GNB4: variants seen among roughly 807,000 people sequenced by gnomAD.
GNB4 encodes the protein G protein subunit beta 4.
GNB4 carries 28 observed loss-of-function variants against 45.2 expected under a neutral mutation model. That is an observed-to-expected ratio of 0.62 (90% CI 0.46 to 0.85). The LOEUF is 0.85. GNB4 is among the 40% of genes least tolerant of loss of function. The probability of loss-of-function intolerance (pLI) is 0.00; values close to 1 mark genes in which losing one functional copy is unlikely to be tolerated. For missense variants in GNB4, 321 were observed against 425.4 expected (o/e 0.75, Z 2.16); for synonymous variants, 132 against 143.7 (o/e 0.92, Z 0.58).
chr3:179,494,581 G>A, the GNB4 span, among the ~76,000 whole-genome samples: 3 of 149,482 alleles, frequency 2.0e-5, no homozygotes, highest in Non-Finnish European at 3.0e-5. Context: ...GAGGGAGGGA[G>A]CGAGGGAAGG....
At position 179,415,067 on chromosome 3, in the gene GNB4, C is replaced by G. The variant is rs1363463150; in HGVS notation, c.268-20G>C. 2 of 1,524,346 alleles carry G rather than the reference C, an allele frequency of 1.3e-6. No homozygotes were observed. Among genetic ancestry groups the G allele is most frequent in the East Asian group, 2.3e-5 (1 of 43,544 alleles). 94.4% of individuals were successfully genotyped at this position (1,524,346 alleles called of 1,614,324 possible). ...ATGCATCTGTAGGGCACACACCACACATCACTCAGATTACAAAAACAGTCA... is the reference window on the plus strand; with the variant it reads ...ATGCATCTGTAGGGCACACACCACAGATCACTCAGATTACAAAAACAGTCA... On this transcript the variant is annotated intron_variant, in intron 5 of 9. Coordinates refer to ENST00000232564, the MANE Select transcript of GNB4 (RefSeq NM_021629.4).
At chr3:179,506,935 G>A in the GNB4 span, among the ~76,000 whole-genome samples, 12 of 152,254 alleles carry the variant, frequency 7.9e-5, no homozygotes, top group Non-Finnish European at 1.5e-4. Context: ...TTGAATGAAT[G>A]CTTCTCTGTA....
At chr3:179,451,906 A>T (rs932995759), upstream of GNB4, among the ~76,000 whole-genome samples, 25 of 152,140 alleles carry the variant, frequency 1.6e-4, no homozygotes, top group Non-Finnish European at 2.6e-4. Context: ...TAAATGTCAG[A>T]AAGTAAACTG....
At chr3:179,527,790 ATGTGTGTGTGTGTGTG>A in the GNB4 span, among the ~76,000 whole-genome samples, 1 of 142,336 alleles carries the variant, frequency 7.0e-6, no homozygotes. Flanking sequence ...GTGTGTATGT[ATGTGTGTGTGTGTGTG>A]TGTGTGTGTG....
At chr3:179,403,410 GAAAAC>G (rs1714365331) in intron 9 of GNB4, among the ~76,000 whole-genome samples, 1 of 152,022 alleles carries the variant, frequency 6.6e-6, no homozygotes, top group African/African-American at 2.4e-5. Flanking sequence ...TAGCGAAAAT[GAAAAC>G]CAAAACTTAA....
chr3:179,510,176 G>A, the GNB4 span, among the ~76,000 whole-genome samples: 2 of 151,852 alleles, frequency 1.3e-5, no homozygotes, highest in African/African-American at 2.4e-5. Flanking sequence ...AACAAATTGA[G>A]CCACAAGTAG....
the GNB4 span, among the ~76,000 whole-genome samples, chr3:179,469,007 A>G: frequency 1.3e-5 from 2 of 152,166 alleles, no homozygotes; most frequent in African/African-American, 4.8e-5. Flanking sequence ...CCTTTCTTCT[A>G]TGGATTCTAG....
At chr3:179,477,593 T>G in the GNB4 span, among the ~76,000 whole-genome samples, 2 of 152,166 alleles carry the variant, frequency 1.3e-5, no homozygotes, top group Non-Finnish European at 2.9e-5. Flanking sequence ...AAGATTACAC[T>G]GGGCATTGTG....
upstream of GNB4, among the ~76,000 whole-genome samples, chr3:179,455,023 C>G (rs1299593405): frequency 6.6e-6 from 1 of 152,168 alleles, no homozygotes; most frequent in Admixed American, 6.5e-5. Context: ...ACACACAATG[C>G]ATTTTCCATA....
At chr3:179,459,421 G>A in the GNB4 span, among the ~76,000 whole-genome samples, 2 of 152,016 alleles carry the variant, frequency 1.3e-5, no homozygotes, top group South Asian at 2.1e-4. Flanking sequence ...AGTGCCTCAC[G>A]CCTGTAATCC....
the GNB4 span, among the ~76,000 whole-genome samples, chr3:179,515,427 G>A: frequency 6.6e-6 from 1 of 152,172 alleles, no homozygotes; most frequent in Non-Finnish European, 1.5e-5. Context: ...ATAGGGGTGG[G>A]GCTGTGTTAT....
chr3:179,424,611 G>T (rs536689670), intron 2 of GNB4, among the ~76,000 whole-genome samples: 2 of 152,042 alleles, frequency 1.3e-5, no homozygotes, highest in South Asian at 4.1e-4. Flanking sequence ...TCTTTGTAGA[G>T]ATTTTATTTT....
chr3:179,523,836 G>T, the GNB4 span, among the ~76,000 whole-genome samples: 2 of 152,146 alleles, frequency 1.3e-5, no homozygotes, highest in African/African-American at 4.8e-5. Flanking sequence ...GAAAAGGGCG[G>T]CAATGAGGTG....
the GNB4 span, among the ~76,000 whole-genome samples, chr3:179,521,350 T>C: frequency 6.6e-6 from 1 of 152,216 alleles, no homozygotes; most frequent in African/African-American, 2.4e-5. Context: ...TAAAAAGGAC[T>C]GGACAATACT....
the GNB4 span, among the ~76,000 whole-genome samples, chr3:179,522,589 G>A: frequency 1.6e-4 from 24 of 152,164 alleles, no homozygotes; most frequent in Non-Finnish European, 2.8e-4. Context: ...ATAGTGGAGC[G>A]GGGAAGAGCA....
chr3:179,427,164 A>C (rs1715172209), intron 1 of GNB4, among the ~76,000 whole-genome samples: 1 of 151,320 alleles, frequency 6.6e-6, no homozygotes, highest in Non-Finnish European at 1.5e-5. Flanking sequence ...CCCTTACTAA[A>C]TCTGCCCAAA....
the GNB4 span, among the ~76,000 whole-genome samples, chr3:179,521,854 T>C: frequency 1.1e-4 from 16 of 152,084 alleles, no homozygotes; most frequent in Non-Finnish European, 2.1e-4. Context: ...TCATTCTATA[T>C]GACAAATGTT....
the GNB4 span, among the ~76,000 whole-genome samples, chr3:179,498,566 C>G: frequency 4.5e-3 from 679 of 152,206 alleles, 4 homozygotes; most frequent in Non-Finnish European, 7.2e-3. Flanking sequence ...CTCTGAGTAG[C>G]TAGGATTACA....
intron 3 of GNB4, among the ~76,000 whole-genome samples, chr3:179,419,710 C>T (rs906945543): frequency 6.6e-6 from 1 of 152,084 alleles, no homozygotes; most frequent in African/African-American, 2.4e-5. Context: ...ATCCTATGTG[C>T]TGTTATAAAT....
Sources: gnomAD v4.1 joint callset for allele counts (sites outside exome capture counted in the v4.1 genomes callset) on GRCh38, gnomAD v4.1.1 for gene constraint, MANE v1.5 for transcripts, NCBI Gene and HGNC (gene_info 2026-07-23, HGNC 2026-07-21) for gene names.